Variants in BANP observed in about 807,000 individuals in gnomAD.
The protein encoded by BANP is BTG3 associated nuclear protein.
A neutral mutation model predicts 68.1 loss-of-function variants in BANP; 11 were observed. The observed-to-expected ratio is 0.16, with a 90% CI of 0.10 to 0.27. The LOEUF (loss-of-function observed/expected upper bound fraction) is 0.27, where lower values mean the gene tolerates loss of function less well. BANP is among the 10% of genes least tolerant of loss of function. BANP has a pLI of 1.00. For synonymous variants in BANP, 329 were observed against 303.2 expected, an observed-to-expected ratio of 1.09 and a Z score of -0.88; for missense variants, 504 against 722.7, an observed-to-expected ratio of 0.70 and a Z score of 3.47.
chr16:88,003,631 A>G lies in BANP; in HGVS notation c.363-664A>G, dbSNP rs1022070036. 2.3e-6 allele frequency: 1 copy of G among 428,274 alleles called. No homozygotes were observed. Among genetic ancestry groups the G allele is most frequent in the Non-Finnish European group, 4.7e-6 (1 of 212,874 alleles). 26.5% of individuals were successfully genotyped at this position (428,274 alleles called of 1,614,324 possible). A position where few individuals can be genotyped will look rare whatever the true frequency, so the allele number is the denominator to read the frequency against. ...GTCTGAACACACTCGTGCTTCCTCC[A>G]GGGTGGCGCCAGGCTTGCTGGTTTC... On this transcript the variant is annotated intron_variant, in intron 4 of 13. Coordinates refer to ENST00000682872, the MANE Select transcript of BANP (RefSeq NM_001386991.1). This position sits in a 1 kb window ranked among gnomAD's most constrained non-coding sequence, Gnocchi z 6.1.
rs111611829 is a variant in BANP, at chr16:88,004,627, C to T, written c.479+216C>T. On this transcript the variant is annotated intron_variant, in intron 5 of 13. Transcript: ENST00000682872. The surrounding 1 kb of genome is among the most constrained non-coding windows in gnomAD (Gnocchi z 7.0). ...GTCCAGCCACACCAGGGGCAGCTGC[C>T]GCCGGGGACTTCTGTGTCTCGTGCT... 1.3e-5 allele frequency among the ~76,000 whole-genome samples: 2 copies of T among 152,224 alleles called. No individual in the cohort carries two copies. Among genetic ancestry groups the T allele is most frequent in the African/African-American group, 4.8e-5 (2 of 41,536 alleles).
intron 8 of BANP, 134 bp downstream of exon 8, chr16:88,027,784 T>C: frequency 1.8e-6 from 2 of 1,089,450 alleles, no homozygotes; most frequent in Non-Finnish European, 2.6e-6. Flanking sequence ...GCTTGCGCGG[T>C]GCGCACGGAG....
intron 13 of BANP, among the ~76,000 whole-genome samples, chr16:88,073,550 G>GGA (rs148984670): frequency 0.22 from 33,730 of 152,194 alleles, 3,985 homozygotes; most frequent in South Asian, 0.28. Flanking sequence ...CAGGCAGTGA[G>GGA]GAGCGGGTGG....
At chr16:88,037,872 A>C in intron 10 of BANP, 101 bp from the exon 11 acceptor site, 1 of 1,194,078 alleles carries the variant, frequency 8.4e-7, no homozygotes, top group Non-Finnish European at 1.2e-6. Context: ...TTTTCTTGTT[A>C]TTCTCAAGTG....
intron 11 of BANP, among the ~76,000 whole-genome samples, chr16:88,045,745 G>A (rs2081875067): frequency 7.1e-6 from 1 of 141,534 alleles, no homozygotes; most frequent in South Asian, 2.3e-4. Context: ...CACAGATGAG[G>A]GCCCGGCTGT....
At chr16:88,075,278 G>A (rs575109183) in intron 13 of BANP, among the ~76,000 whole-genome samples, 9 of 152,314 alleles carry the variant, frequency 5.9e-5, no homozygotes, top group South Asian at 4.1e-4. Flanking sequence ...CCCGGGAGGC[G>A]GAGGTTGCAA....
Position 87,983,466 on chromosome 16 carries a change from C to CTG in BANP, c.163-593_163-592dup, listed in dbSNP as rs371382679. On this transcript the variant is annotated intron_variant, in intron 3 of 13. Coordinates refer to ENST00000682872, the MANE Select transcript of BANP (RefSeq NM_001386991.1). Reference sequence around the variant, plus strand: ...TTGGGGTCCGGCACGTGACTGCTCACTGGTTACTTGGAGTTAGGAATCCGG... The same window carrying CTG: ...TTGGGGTCCGGCACGTGACTGCTCACTGTGGTTACTTGGAGTTAGGAATCCGG... Among the ~76,000 whole-genome samples the CTG allele has an allele frequency of 7.8e-3, 1,187 of 152,280 alleles. 13 individuals are homozygous for CTG. The highest frequency in any genetic ancestry group is 0.026 in the African/African-American group (1,091 of 41,538).
intron 4 of BANP, among the ~76,000 whole-genome samples, chr16:87,988,925 T>C (rs1342263142): frequency 6.6e-6 from 1 of 152,216 alleles, no homozygotes; most frequent in Non-Finnish European, 1.5e-5. Flanking sequence ...CCCCACCTGT[T>C]GGTTCTTTCT....
chr16:88,026,845 G>A (rs115887408), intron 7 of BANP, among the ~76,000 whole-genome samples: 5 of 151,960 alleles, frequency 3.3e-5, no homozygotes, highest in South Asian at 2.1e-4. Flanking sequence ...CTGAATTTTC[G>A]AAACTGTGTT....
At chr16:87,974,173 G>C (rs943590896) in intron 1 of BANP, among the ~76,000 whole-genome samples, 1 of 152,138 alleles carries the variant, frequency 6.6e-6, no homozygotes, top group Non-Finnish European at 1.5e-5. Context: ...AAACATGATG[G>C]TCACATTCAT....
At chr16:88,067,634 C>A (rs985952325) in intron 12 of BANP, among the ~76,000 whole-genome samples, 4 of 152,102 alleles carry the variant, frequency 2.6e-5, no homozygotes, top group African/African-American at 9.7e-5. Flanking sequence ...TGCTGCCACT[C>A]CCATTCAGAG....
chr16:87,999,322 G>T (rs1313414483), intron 4 of BANP, among the ~76,000 whole-genome samples: 28 of 138,166 alleles, frequency 2.0e-4, no homozygotes, highest in African/African-American at 7.4e-4. Flanking sequence ...TTCCAGACAC[G>T]TCTCCATGCA....
At chr16:88,045,785 A>G (rs964382297) in intron 11 of BANP, among the ~76,000 whole-genome samples, 7 of 97,828 alleles carry the variant, frequency 7.2e-5, no homozygotes, top group African/African-American at 2.4e-4. Context: ...AGAGAACTGG[A>G]TGGGTGGGGG....
intron 4 of BANP, 24 bp downstream of exon 4, chr16:87,984,283 G>A: frequency 6.5e-7 from 1 of 1,549,106 alleles, no homozygotes; most frequent in African/African-American, 1.4e-5. Context: ...AGGGTGCCGG[G>A]GCCTTCAGGT....
intron 8 of BANP, 149 bp from the exon 9 acceptor site, chr16:88,032,960 G>T: frequency 3.4e-6 from 3 of 893,860 alleles, no homozygotes; most frequent in Non-Finnish European, 4.9e-6. Context: ...CTGCAGAAGA[G>T]TGGAGATGCA....
At chr16:87,979,652 G>A (rs575242379) in intron 2 of BANP, among the ~76,000 whole-genome samples, 33 of 152,174 alleles carry the variant, frequency 2.2e-4, no homozygotes, top group Non-Finnish European at 4.3e-4. Flanking sequence ...GTGTGCCAAG[G>A]TGTGCATGTG....
At chr16:87,961,490 C>T (rs1168070983) in intron 1 of BANP, among the ~76,000 whole-genome samples, 2 of 146,868 alleles carry the variant, frequency 1.4e-5, no homozygotes, top group East Asian at 1.9e-4. Flanking sequence ...TCATATGCAT[C>T]GACCAAAACA....
At position 87,957,319 on chromosome 16, in the gene BANP, A is replaced by G. The variant is rs2058273501; in HGVS notation, c.-69+5804A>G. On this transcript the variant is annotated intron_variant, in intron 1 of 13. Transcript: ENST00000682872. This position sits in a 1 kb window ranked among gnomAD's most constrained non-coding sequence, Gnocchi z 4.3. ...GAGCAGAGGCGGCTGAGGAGGTGAA[A>G]GGCTGAGAGGAGGCTGCAGTGAAAC... Among the ~76,000 whole-genome samples the G allele has an allele frequency of 1.3e-5, 2 of 152,178 alleles. No individual in the cohort carries two copies. The highest frequency in any genetic ancestry group is 1.5e-5 in the Non-Finnish European group (1 of 68,034).
intron 11 of BANP, 64 bp downstream of exon 11, chr16:88,038,075 G>T: frequency 6.5e-7 from 1 of 1,532,172 alleles, no homozygotes; most frequent in Non-Finnish European, 9.0e-7. Flanking sequence ...GTTCTCAGGG[G>T]AGGGGGTGGG....
Sources: gnomAD v4.1 joint callset for allele counts (sites outside exome capture counted in the v4.1 genomes callset) on GRCh38, gnomAD v4.1.1 for gene constraint, Gnocchi (gnomAD v3.1) non-coding constraint, MANE v1.5 for transcripts, NCBI Gene and HGNC (gene_info 2026-07-23, HGNC 2026-07-21) for gene names.